The following CDC14B variants were observed in gnomAD, a reference collection of about 807,000 sequenced individuals.
CDC14B encodes cell division cycle 14B.
CDC14B carries 22 observed loss-of-function variants against 64.2 expected under a neutral mutation model. The observed-to-expected ratio is 0.34, with a 90% confidence interval of 0.24 to 0.49. The LOEUF is 0.49. CDC14B is among the 20% of genes least tolerant of loss of function. The probability of loss-of-function intolerance (pLI) is 0.99; values close to 1 mark genes in which losing one functional copy is unlikely to be tolerated. For missense variants in CDC14B, 498 were observed against 629.9 expected, an observed-to-expected ratio of 0.79 and a Z score of 2.24; for synonymous variants, 191 against 215.8, an observed-to-expected ratio of 0.89 and a Z score of 1.01.
downstream of CDC14B, among the ~76,000 whole-genome samples, chr9:96,497,760 T>C (rs576129215): frequency 6.6e-6 from 1 of 152,258 alleles, no homozygotes; most frequent in African/African-American, 2.4e-5. Flanking sequence ...TATTAACTTT[T>C]CATTTCATCC....
At chr9:96,531,295 G>C (rs77140813) in intron 9 of CDC14B, among the ~76,000 whole-genome samples, 2 of 151,854 alleles carry the variant, frequency 1.3e-5, no homozygotes, top group Non-Finnish European at 2.9e-5. Context: ...AGGAGGTTTT[G>C]GATTACTTAA....
At chr9:96,602,984 C>T (rs1028606334) in intron 1 of CDC14B, among the ~76,000 whole-genome samples, 12 of 151,998 alleles carry the variant, frequency 7.9e-5, no homozygotes, top group Admixed American at 5.9e-4. Flanking sequence ...AGCTTGAAAC[C>T]ATCAGCTTCC....
At chr9:96,577,964 CACAA>C (rs1021348794) in intron 1 of CDC14B, among the ~76,000 whole-genome samples, 10 of 152,094 alleles carry the variant, frequency 6.6e-5, no homozygotes, top group Non-Finnish European at 1.0e-4. Context: ...AAACAATGCT[CACAA>C]ACATTTAGTG....
intron 1 of CDC14B, among the ~76,000 whole-genome samples, chr9:96,607,153 T>TAA (rs1847005299): frequency 6.6e-6 from 1 of 152,086 alleles, no homozygotes; most frequent in Non-Finnish European, 1.5e-5. Context: ...CCCACATATC[T>TAA]TTATTTTGGA....
intron 1 of CDC14B, among the ~76,000 whole-genome samples, chr9:96,598,091 A>G (rs993582917): frequency 7.2e-5 from 11 of 152,246 alleles, no homozygotes; most frequent in Admixed American, 3.3e-4. Context: ...CGACAAAAAG[A>G]AAATACATTT....
At chr9:96,588,795 C>G (rs907605273) in intron 1 of CDC14B, among the ~76,000 whole-genome samples, 1 of 152,150 alleles carries the variant, frequency 6.6e-6, no homozygotes, top group African/African-American at 2.4e-5. Flanking sequence ...TTTTAAAACA[C>G]TACCTTTTCT....
intron 8 of CDC14B, 35 bp downstream of exon 8, chr9:96,534,420 T>C (rs375671742): frequency 2.6e-5 from 36 of 1,404,702 alleles, no homozygotes; most frequent in East Asian, 2.3e-4. Flanking sequence ...ATATTTTCAA[T>C]AACAAAATGA....
At chr9:96,527,240 A>G (rs1393507679) in intron 9 of CDC14B, among the ~76,000 whole-genome samples, 1 of 152,124 alleles carries the variant, frequency 6.6e-6, no homozygotes, top group Non-Finnish European at 1.5e-5. Context: ...TCTAGTAAAA[A>G]TACAAAAAAT....
rs774944045 is a variant in CDC14B, at chr9:96,515,665, G to T, written c.1344-5876C>A. ...GACACTTACAGCAGCTATCTGTCAG[G>T]GGGTCCTGATGGCTACTGTGTTCTG... On this transcript the variant is annotated intron_variant, in intron 12 of 13. Coordinates refer to ENST00000375241, the MANE Select transcript of CDC14B (RefSeq NM_033331.4). The surrounding 1 kb of genome is among the most constrained non-coding windows in gnomAD (Gnocchi z 4.3). 1.9e-6 allele frequency: 3 copies of T among 1,581,902 alleles called. No individual in the cohort carries two copies. Among genetic ancestry groups the T allele is most frequent in the Non-Finnish European group, 2.6e-6 (3 of 1,164,274 alleles).
chr9:96,536,749 T>A (rs1839328206), intron 7 of CDC14B, among the ~76,000 whole-genome samples: 1 of 152,136 alleles, frequency 6.6e-6, no homozygotes, highest in Non-Finnish European at 1.5e-5. Context: ...TGAGGAATCA[T>A]CTCCCCAGTG....
chr9:96,534,498 A>G lies in CDC14B; in HGVS notation c.672T>C (p.Phe224=). ...TTGAATGAGGTCCACAGAAGGCAAT[A>G]AATCGGTCTGGTATTATCCAATTTA... ...GDLNWIIPDR[F]IAFCGPHSRA... is the part of the protein sequence containing the mutation. The change falls in exon 8 of 14, where the codon TTT becomes TTC. Residue 224 remains phenylalanine (F), a synonymous_variant. Transcript: ENST00000375241. 1 of 1,613,554 alleles carries G rather than the reference A, an allele frequency of 6.2e-7. No individual in the cohort carries two copies. The highest frequency in any genetic ancestry group is 8.5e-7 in the Non-Finnish European group (1 of 1,179,488).
chr9:96,603,171 C>T (rs1041212514), intron 1 of CDC14B, among the ~76,000 whole-genome samples: 2 of 151,692 alleles, frequency 1.3e-5, no homozygotes, highest in African/African-American at 4.8e-5. Flanking sequence ...CACACACACA[C>T]ACACACACAC....
chr9:96,544,885 CT>C (rs1270299242), intron 5 of CDC14B, among the ~76,000 whole-genome samples: 1 of 152,044 alleles, frequency 6.6e-6, no homozygotes, highest in Non-Finnish European at 1.5e-5. Context: ...AGTCTTTAAC[CT>C]AAAAGGCCAC....
At chr9:96,540,549 T>C (rs1839902783) in intron 6 of CDC14B, among the ~76,000 whole-genome samples, 1 of 151,376 alleles carries the variant, frequency 6.6e-6, no homozygotes, top group Admixed American at 6.6e-5. Context: ...AGTATGCAAA[T>C]GGCAATCTTT....
chr9:96,541,807 C>T lies in CDC14B; in HGVS notation c.564+19G>A, dbSNP rs929043888. ...TAGTTCCTCAACACAACACTGGGTG[C>T]ATCCTACATGTCACTCACCTTCTTT... On this transcript the variant is annotated intron_variant, in intron 6 of 13. Coordinates refer to ENST00000375241, the MANE Select transcript of CDC14B (RefSeq NM_033331.4). The T allele has an allele frequency of 3.8e-6, 6 of 1,565,538 alleles. No homozygotes were observed. In the African/African-American group the frequency reaches 6.8e-5, roughly 18 times the overall value.
chr9:96,513,908 G>A (rs977212086), intron 12 of CDC14B, among the ~76,000 whole-genome samples: 15 of 152,188 alleles, frequency 9.9e-5, no homozygotes, highest in Non-Finnish European at 1.9e-4. Context: ...CACCACCTGC[G>A]TCCACTGCCA....
In CDC14B at chr9:96,534,124, T is replaced by C; in HGVS notation, c.749A>G (p.Gln250Arg). 1.2e-6 allele frequency: 2 copies of C among 1,609,030 alleles called. No homozygotes were observed. The highest frequency in any genetic ancestry group is 1.7e-6 in the Non-Finnish European group (2 of 1,176,190). Reference protein sequence around the residue: ...YHQHSPETYIQYFKNHNVTTI... With the variant: ...YHQHSPETYIRYFKNHNVTTI... ...AGTAACATTGTGATTCTTAAAATAT[T>C]GAATATAAGTCTCAGGAGAATGTTG... The change falls in exon 9 of 14, where the codon CAA becomes CGA. Residue 250 changes from glutamine (Q) to arginine (R), a missense_variant. Coordinates refer to ENST00000375241, the MANE Select transcript of CDC14B (RefSeq NM_033331.4).
At chr9:96,616,447 G>C (rs1310273362) in intron 1 of CDC14B, among the ~76,000 whole-genome samples, 1 of 151,600 alleles carries the variant, frequency 6.6e-6, no homozygotes, top group Non-Finnish European at 1.5e-5. Flanking sequence ...CATTTGATAG[G>C]CTGGGTGAAG....
At chr9:96,555,592 G>A (rs1365289497) in intron 4 of CDC14B, among the ~76,000 whole-genome samples, 1 of 152,202 alleles carries the variant, frequency 6.6e-6, no homozygotes, top group Non-Finnish European at 1.5e-5. Context: ...TCAATTTAAG[G>A]AAATGGCCGT....
Sources: allele counts gnomAD v4.1 joint callset (sites outside exome capture counted in the v4.1 genomes callset), GRCh38; gene constraint gnomAD v4.1.1; non-coding constraint Gnocchi (gnomAD v3.1); transcripts MANE v1.5; gene names NCBI Gene and HGNC (gene_info 2026-07-23, HGNC 2026-07-21).